The following NSMCE2 variants were observed in gnomAD, a reference collection of about 807,000 sequenced individuals.
NSMCE2 encodes E3 SUMO-protein ligase NSE2.
In NSMCE2, 24 loss-of-function variants were observed where a neutral mutation model predicts 23.8. The ratio of observed to expected loss-of-function variants is 1.01; its 90% CI spans 0.73 to 1.42. The LOEUF (loss-of-function observed/expected upper bound fraction) is 1.42. Ranked by LOEUF, NSMCE2 falls within the 40% of genes most tolerant of loss-of-function variation. NSMCE2 has a pLI of 0.00. For missense variants in NSMCE2, 284 were observed against 296.5 expected, an observed-to-expected ratio of 0.96 and a Z score of 0.31; for synonymous variants, 92 against 94.1, an observed-to-expected ratio of 0.98 and a Z score of 0.13.
At chr8:125,214,338 C>G (rs917343690) in intron 5 of NSMCE2, among the ~76,000 whole-genome samples, 1 of 152,132 alleles carries the variant, frequency 6.6e-6, no homozygotes, top group Admixed American at 6.5e-5. Flanking sequence ...GCAGTAGCAT[C>G]CAAGGCCCAT....
intron 5 of NSMCE2, among the ~76,000 whole-genome samples, chr8:125,220,999 G>A (rs1383899722): frequency 1.3e-5 from 2 of 152,088 alleles, no homozygotes; most frequent in African/African-American, 4.8e-5. Context: ...GTTCCAAAGG[G>A]ATACTATCAC....
chr8:125,266,653 G>C (rs1826929384), intron 5 of NSMCE2, among the ~76,000 whole-genome samples: 1 of 152,172 alleles, frequency 6.6e-6, no homozygotes, highest in Non-Finnish European at 1.5e-5. Context: ...CCTTACTCCT[G>C]AATAAGGTTC....
intron 3 of NSMCE2, among the ~76,000 whole-genome samples, chr8:125,134,382 A>C (rs1452007401): frequency 2.0e-5 from 3 of 152,166 alleles, no homozygotes; most frequent in Non-Finnish European, 4.4e-5. Context: ...CTATGTGTGG[A>C]GTATATTAAG....
intron 3 of NSMCE2, among the ~76,000 whole-genome samples, chr8:125,147,505 T>G (rs1218968561): frequency 1.3e-5 from 2 of 151,674 alleles, no homozygotes; most frequent in Non-Finnish European, 2.9e-5. Context: ...ATATCAAGAG[T>G]GTATGTGTTA....
At chr8:125,163,345 A>T (rs543728039) in intron 4 of NSMCE2, among the ~76,000 whole-genome samples, 1 of 152,374 alleles carries the variant, frequency 6.6e-6, no homozygotes, top group East Asian at 1.9e-4. Context: ...TTAGTTAAAA[A>T]TAAAGTCTGA....
intron 5 of NSMCE2, among the ~76,000 whole-genome samples, chr8:125,297,120 T>C (rs535668992): frequency 6.6e-6 from 1 of 152,328 alleles, no homozygotes; most frequent in South Asian, 2.1e-4. Context: ...TCGTAACATC[T>C]CTGTCATAAT....
intron 3 of NSMCE2, among the ~76,000 whole-genome samples, chr8:125,136,126 G>C (rs774318834): frequency 1.3e-5 from 2 of 151,738 alleles, no homozygotes; most frequent in Non-Finnish European, 2.9e-5. Context: ...TTATTTTTTT[G>C]GTTGTTTGAG....
chr8:125,361,231 C>A (rs1813537954), intron 7 of NSMCE2, among the ~76,000 whole-genome samples: 3 of 151,932 alleles, frequency 2.0e-5, no homozygotes, highest in Admixed American at 2.0e-4. Flanking sequence ...TCACACCTGG[C>A]TAATTTTTGT....
intron 5 of NSMCE2, among the ~76,000 whole-genome samples, chr8:125,243,339 T>G (rs149990685): frequency 8.3e-4 from 126 of 152,306 alleles, no homozygotes; most frequent in African/African-American, 3.0e-3. Flanking sequence ...AGTTACAGAC[T>G]TATGTGTCAT....
intron 5 of NSMCE2, among the ~76,000 whole-genome samples, chr8:125,340,661 C>G (rs909570408): frequency 6.6e-6 from 1 of 152,166 alleles, no homozygotes; most frequent in African/African-American, 2.4e-5. Flanking sequence ...AAATTAGATA[C>G]AAGAGGCCAC....
At chr8:125,159,329 C>T (rs1821482390) in intron 4 of NSMCE2, among the ~76,000 whole-genome samples, 2 of 152,150 alleles carry the variant, frequency 1.3e-5, no homozygotes, top group Non-Finnish European at 2.9e-5. Flanking sequence ...AACGAGGGGC[C>T]ATACATATGA....
intron 5 of NSMCE2, among the ~76,000 whole-genome samples, chr8:125,341,860 G>A (rs942297661): frequency 7.6e-5 from 10 of 131,862 alleles, no homozygotes; most frequent in Non-Finnish European, 9.2e-5. Flanking sequence ...CTTTAGGATC[G>A]AGAGTCCATG....
At chr8:125,143,463 G>A (rs1204370733) in intron 3 of NSMCE2, among the ~76,000 whole-genome samples, 3 of 152,108 alleles carry the variant, frequency 2.0e-5, no homozygotes, top group Non-Finnish European at 2.9e-5. Flanking sequence ...ATGGACATAT[G>A]TACTTTATGA....
intron 4 of NSMCE2, among the ~76,000 whole-genome samples, chr8:125,180,247 A>T (rs1172184975): frequency 6.6e-6 from 1 of 152,156 alleles, no homozygotes; most frequent in East Asian, 1.9e-4. Context: ...ATTGAGCTTT[A>T]TTCGTTCTTT....
chr8:125,127,890 TACA>T (rs1819587924), intron 3 of NSMCE2, among the ~76,000 whole-genome samples: 1 of 152,230 alleles, frequency 6.6e-6, no homozygotes, highest in Non-Finnish European at 1.5e-5. Context: ...GGTAATTTTA[TACA>T]ACATTTTAAG....
chr8:125,278,323 C>T (rs1480367477), intron 5 of NSMCE2, among the ~76,000 whole-genome samples: 1 of 152,184 alleles, frequency 6.6e-6, no homozygotes, highest in African/African-American at 2.4e-5. Context: ...CCCTTCAGAG[C>T]ACTCTGTCCT....
intron 7 of NSMCE2, 73 bp from the exon 8 acceptor site, chr8:125,366,695 A>G (rs992877188): frequency 1.2e-6 from 1 of 836,796 alleles, no homozygotes; most frequent in African/African-American, 1.7e-5. Context: ...CCTTACTTAA[A>G]CACTTGAGTA....
chr8:125,150,956 G>C (rs1820981589), intron 3 of NSMCE2, among the ~76,000 whole-genome samples: 1 of 152,066 alleles, frequency 6.6e-6, no homozygotes, highest in African/African-American at 2.4e-5. Context: ...CTTCTACTGA[G>C]TGTATTCTTA....
chr8:125,210,002 T>C (rs1824262617), intron 5 of NSMCE2, among the ~76,000 whole-genome samples: 1 of 152,182 alleles, frequency 6.6e-6, no homozygotes, highest in Non-Finnish European at 1.5e-5. Context: ...AGATTAGCAT[T>C]TGTTCTTTCA....
Sources: allele counts gnomAD v4.1 joint callset (sites outside exome capture counted in the v4.1 genomes callset), GRCh38; gene constraint gnomAD v4.1.1; transcripts MANE v1.5; gene names NCBI Gene and HGNC (gene_info 2026-07-23, HGNC 2026-07-21).